The following ABCG1 variants were observed in gnomAD, a reference collection of about 807,000 sequenced individuals.
ABCG1 encodes ATP-binding cassette sub-family G member 1.
Under a neutral mutation model 69.2 loss-of-function variants are expected in ABCG1, and 29 were observed. The ratio of observed to expected loss-of-function variants is 0.42; its 90% CI spans 0.31 to 0.57. The LOEUF is 0.57. Among genes scored for constraint, ABCG1 ranks in the 20% least tolerant of loss-of-function variants. ABCG1 has a pLI of 0.15. For synonymous variants in ABCG1, 370 were observed against 374.8 expected, an observed-to-expected ratio of 0.99 and a Z score of 0.15; for missense variants, 718 against 898.1, an observed-to-expected ratio of 0.80 and a Z score of 2.56.
intron 2 of ABCG1, among the ~76,000 whole-genome samples, chr21:42,254,846 G>A (rs898697795): frequency 6.6e-6 from 1 of 152,240 alleles, no homozygotes; most frequent in Non-Finnish European, 1.5e-5. Flanking sequence ...TGAATGGGGA[G>A]CGAGGGGGAG....
intron 3 of ABCG1, among the ~76,000 whole-genome samples, 185 bp downstream of exon 3, chr21:42,271,372 A>C (rs1601422580): frequency 6.6e-6 from 1 of 152,198 alleles, no homozygotes; most frequent in Non-Finnish European, 1.5e-5. Flanking sequence ...GGAGAGCCAC[A>C]CTCAGAGAGG....
intron 3 of ABCG1, 54 bp downstream of exon 3, chr21:42,271,241 T>A: frequency 8.5e-7 from 1 of 1,179,814 alleles, no homozygotes; most frequent in Non-Finnish European, 1.2e-6. Context: ...AGGCCAGCAG[T>A]GGGAACAGTG....
At chr21:42,231,188 C>T (rs916525526) in intron 2 of ABCG1, among the ~76,000 whole-genome samples, 4 of 151,794 alleles carry the variant, frequency 2.6e-5, no homozygotes, top group African/African-American at 9.7e-5. Context: ...ATGTGCATGG[C>T]GTGCTTTCTC....
rs113224697 is a variant in ABCG1 at position 42,249,937 on chromosome 21, G to A, written c.287-21133G>A. Among the ~76,000 whole-genome samples the A allele has an allele frequency of 5.8e-3, 879 of 151,914 alleles. 10 individuals are homozygous for A. The highest frequency in any genetic ancestry group is 0.02 in the African/African-American group (835 of 41,402). On this transcript the variant is annotated intron_variant, in intron 2 of 14. Coordinates refer to ENST00000398449, the MANE Select transcript of ABCG1 (RefSeq NM_016818.3). ...GGAGAATCACTTGAACCTGGGAGGCGGAGGTTGCAGTCAGCCGAGATGGCG... is the reference window on the plus strand; with the variant it reads ...GGAGAATCACTTGAACCTGGGAGGCAGAGGTTGCAGTCAGCCGAGATGGCG...
rs1440496584 is a variant in ABCG1 at position 42,294,595 on chromosome 21, G to A, written c.1707G>A (p.Gly569=). 6.8e-6 allele frequency: 11 copies of A among 1,614,094 alleles called. No homozygotes were observed. The highest frequency in any genetic ancestry group is 1.1e-5 in the South Asian group (1 of 91,088). The change falls in exon 14 of 15, where the codon GGG becomes GGA. Residue 569 remains glycine (G), a synonymous_variant. Coordinates refer to ENST00000398449, the MANE Select transcript of ABCG1 (RefSeq NM_016818.3). ...VTAIPVLLFS[G]FFVSFDTIPT... Reference sequence around the variant, plus strand: ...CCATCCCGGTGCTCCTGTTCTCGGGGTTCTTCGTCAGCTTCGACACCATCC... The same window carrying A: ...CCATCCCGGTGCTCCTGTTCTCGGGATTCTTCGTCAGCTTCGACACCATCC...
intron 2 of ABCG1, among the ~76,000 whole-genome samples, chr21:42,260,853 C>T (rs1451777824): frequency 6.6e-6 from 1 of 151,888 alleles, no homozygotes; most frequent in African/African-American, 2.4e-5. Flanking sequence ...GACGGAGTCT[C>T]GCTCTGCCAG....
At chr21:42,232,046 C>T (rs950894418) in intron 2 of ABCG1, among the ~76,000 whole-genome samples, 3 of 152,152 alleles carry the variant, frequency 2.0e-5, no homozygotes, top group Non-Finnish European at 4.4e-5. Flanking sequence ...TCTCAGTGGC[C>T]CCCAGGTGGG....
At position 42,243,956 on chromosome 21, in the gene ABCG1, C is replaced by G. The variant is rs576661889; in HGVS notation, c.286+18042C>G. ...GCCTCAGCCTCCCGAATAGCTGGGA[C>G]TACAGGCGCCCGCCACCACGCCCGG... On this transcript the variant is annotated intron_variant, in intron 2 of 14. Coordinates refer to ENST00000398449, the MANE Select transcript of ABCG1 (RefSeq NM_016818.3). Among the ~76,000 whole-genome samples, 15 of 151,482 alleles carry G rather than the reference C, an allele frequency of 9.9e-5. No homozygotes were observed. The South Asian group carries it at 3.1e-3, about 32-fold the overall frequency.
chr21:42,254,768 G>A (rs2068276004), intron 2 of ABCG1, among the ~76,000 whole-genome samples: 1 of 152,234 alleles, frequency 6.6e-6, no homozygotes, highest in African/African-American at 2.4e-5. Context: ...TGGGGAGGGA[G>A]GAAGAGGGGT....
chr21:42,240,564 C>T (rs1380063642), intron 2 of ABCG1, among the ~76,000 whole-genome samples: 2 of 152,254 alleles, frequency 1.3e-5, no homozygotes, highest in African/African-American at 4.8e-5. Flanking sequence ...GATTCTTCTG[C>T]CTCAGCCTCC....
At chr21:42,295,569 A>G (rs990326638) in intron 14 of ABCG1, among the ~76,000 whole-genome samples, 6 of 152,322 alleles carry the variant, frequency 3.9e-5, no homozygotes, top group African/African-American at 1.2e-4. Context: ...TCCATGTGAC[A>G]CTAAGATCCA....
chr21:42,201,752 T>C, intron 2 of ABCG1: 2 of 1,613,580 alleles, frequency 1.2e-6, no homozygotes, highest in Admixed American at 3.3e-5. Context: ...GGGAAGGATT[T>C]GGAAGCTAAA....
exon 2 of ABCG1, chr21:42,201,714 C>T (rs2067507876): frequency 2.5e-6 from 4 of 1,613,848 alleles, no homozygotes; most frequent in Admixed American, 1.7e-5. Flanking sequence ...AGAGAAAGCC[C>T]TGCCCTCAGG....
chr21:42,271,514 A>G (rs1416643807), intron 3 of ABCG1, among the ~76,000 whole-genome samples: 1 of 151,042 alleles, frequency 6.6e-6, no homozygotes, highest in Non-Finnish European at 1.5e-5. Context: ...GAGTGAATGC[A>G]AGTTGAAGAG....
At chr21:42,248,902 CAA>C (rs71332356) in intron 2 of ABCG1, among the ~76,000 whole-genome samples, 15 of 91,048 alleles carry the variant, frequency 1.6e-4, no homozygotes, top group Admixed American at 3.6e-4. Flanking sequence ...AGACCTCTCT[CAA>C]AAAAAAAAAA....
chr21:42,244,576 G>A (rs926254576), intron 2 of ABCG1, among the ~76,000 whole-genome samples: 2 of 152,148 alleles, frequency 1.3e-5, no homozygotes, highest in African/African-American at 4.8e-5. Context: ...TTTTGGTGAA[G>A]AAATTGAGCT....
intron 13 of ABCG1, among the ~76,000 whole-genome samples, chr21:42,292,256 C>T (rs974160360): frequency 1.3e-5 from 2 of 152,124 alleles, no homozygotes; most frequent in African/African-American, 2.4e-5. Context: ...GGGTCCCATG[C>T]TGGGTGCAGT....
upstream of ABCG1, chr21:42,216,286 C>A (rs1443203728): frequency 3.0e-6 from 1 of 335,936 alleles, no homozygotes; most frequent in East Asian, 1.0e-4. Context: ...GGAAGTGGCT[C>A]CCCACTGGAA....
chr21:42,260,557 C>G (rs1601406465), intron 2 of ABCG1, among the ~76,000 whole-genome samples: 1 of 152,196 alleles, frequency 6.6e-6, no homozygotes, highest in East Asian at 1.9e-4. Context: ...CAGTGACCCC[C>G]TCCACCAAAC....
Sources: gnomAD v4.1 joint callset for allele counts (sites outside exome capture counted in the v4.1 genomes callset) on GRCh38, gnomAD v4.1.1 for gene constraint, MANE v1.5 for transcripts, NCBI Gene and HGNC (gene_info 2026-07-23, HGNC 2026-07-21) for gene names.